Variants in PRKN observed in about 807,000 individuals in gnomAD.
PRKN encodes parkin RBR E3 ubiquitin protein ligase.
In PRKN, 56 loss-of-function variants were observed where a neutral mutation model predicts 59.5. The ratio of observed to expected loss-of-function variants is 0.94; its 90% confidence interval spans 0.76 to 1.18. The LOEUF is 1.18. PRKN is among the 50% of genes most tolerant of loss of function. PRKN has a pLI of 0.00. For synonymous variants in PRKN, 250 were observed against 222.1 expected, an observed-to-expected ratio of 1.13 and a Z score of -1.12; for missense variants, 657 against 596.4, an observed-to-expected ratio of 1.10 and a Z score of -1.06.
intron 2 of PRKN, among the ~76,000 whole-genome samples, chr6:162,320,196 T>G (rs1782932542): frequency 6.6e-6 from 1 of 151,802 alleles, no homozygotes; most frequent in Non-Finnish European, 1.5e-5. Flanking sequence ...CCAGTTTCTT[T>G]ATCCAATCAT....
At chr6:161,674,289 C>T (rs1203117088) in intron 7 of PRKN, among the ~76,000 whole-genome samples, 1 of 151,784 alleles carries the variant, frequency 6.6e-6, no homozygotes, top group Admixed American at 6.6e-5. Context: ...GATGGCTTTG[C>T]TGTATAATTG....
At chr6:162,193,787 T>A (rs73594271) in intron 4 of PRKN, among the ~76,000 whole-genome samples, 1 of 152,124 alleles carries the variant, frequency 6.6e-6, no homozygotes, top group East Asian at 1.9e-4. Flanking sequence ...CACAGTGTGG[T>A]CTTTGGTGTC....
intron 7 of PRKN, among the ~76,000 whole-genome samples, chr6:161,709,232 G>A (rs1302850789): frequency 6.6e-6 from 1 of 152,120 alleles, no homozygotes; most frequent in South Asian, 2.1e-4. Context: ...ATGTATATAT[G>A]CTGCTTTCTG....
intron 1 of PRKN, among the ~76,000 whole-genome samples, chr6:162,665,729 C>A (rs1369218946): frequency 6.6e-6 from 1 of 152,128 alleles, no homozygotes; most frequent in Non-Finnish European, 1.5e-5. Context: ...CCTAGACAAT[C>A]CTAAGCAAAA....
chr6:162,687,010 AT>A (rs1014274531), intron 1 of PRKN, among the ~76,000 whole-genome samples: 1 of 151,288 alleles, frequency 6.6e-6, no homozygotes, highest in Non-Finnish European at 1.5e-5. Flanking sequence ...TTGCTTTTTT[AT>A]TTTTTATTTT....
Position 161,973,311 on chromosome 6 carries a change from G to A in PRKN, c.725C>T (p.Thr242Ile), listed in dbSNP as rs746368282. 3.1e-6 allele frequency: 5 copies of A among 1,607,388 alleles called. No individual in the cohort carries two copies. Among genetic ancestry groups the A allele is most frequent in the Non-Finnish European group, 4.3e-6 (5 of 1,173,972 alleles). The change falls in exon 6 of 12, where the codon ACA becomes ATA. Residue 242 changes from threonine (T) to isoleucine (I), a missense_variant. Thr to Ile is a moderately conservative substitution (Grantham distance 89). Coordinates refer to ENST00000366898, the MANE Select transcript of PRKN (RefSeq NM_004562.3). Reference sequence around the variant, plus strand: ...ATTTTTAGATCCTTACCTGACGTCTGTGCACGTAATGCAAGTGATGTTCCG... The same window carrying A: ...ATTTTTAGATCCTTACCTGACGTCTATGCACGTAATGCAAGTGATGTTCCG... ...NSRNITCITCTDVRSPVLVFQ... is the reference protein window; with the variant it reads ...NSRNITCITCIDVRSPVLVFQ...
chr6:161,834,862 C>T (rs112189932), intron 6 of PRKN, among the ~76,000 whole-genome samples: 1,605 of 152,272 alleles, frequency 0.011, 30 homozygotes, highest in African/African-American at 0.037. Context: ...CCATTGCCTG[C>T]CTGGGATTTA....
At chr6:161,595,833 T>A (rs184118659) in intron 7 of PRKN, among the ~76,000 whole-genome samples, 1 of 152,322 alleles carries the variant, frequency 6.6e-6, no homozygotes, top group Admixed American at 6.5e-5. Context: ...GGTGGTGCTA[T>A]AATTTACGGC....
chr6:161,450,279 A>G (rs1288886621), intron 9 of PRKN, among the ~76,000 whole-genome samples: 2 of 152,198 alleles, frequency 1.3e-5, no homozygotes, highest in African/African-American at 4.8e-5. Context: ...CCCCTGCTGC[A>G]GCATTCTTGA....
At chr6:162,530,103 C>T (rs1778449500) in intron 1 of PRKN, among the ~76,000 whole-genome samples, 1 of 150,752 alleles carries the variant, frequency 6.6e-6, no homozygotes, top group African/African-American at 2.4e-5. Context: ...GCACTCCAGC[C>T]TGGGCAACAA....
intron 1 of PRKN, among the ~76,000 whole-genome samples, chr6:162,641,704 C>T (rs533468160): frequency 6.6e-6 from 1 of 152,300 alleles, no homozygotes; most frequent in South Asian, 2.1e-4. Flanking sequence ...TTTGTCACTC[C>T]ATCCGCCCTC....
chr6:161,753,961 G>A (rs1788803743), intron 7 of PRKN, among the ~76,000 whole-genome samples: 1 of 152,160 alleles, frequency 6.6e-6, no homozygotes, highest in Non-Finnish European at 1.5e-5. Context: ...TAGGAGCACG[G>A]GAAATCCAGC....
chr6:161,810,956 A>T (rs1023375893), intron 6 of PRKN, among the ~76,000 whole-genome samples: 3 of 152,114 alleles, frequency 2.0e-5, no homozygotes, highest in Non-Finnish European at 2.9e-5. Context: ...GGTTCGTCTG[A>T]TGGGGAAGAG....
chr6:162,550,986 A>T (rs75748159), intron 1 of PRKN, among the ~76,000 whole-genome samples: 1 of 152,302 alleles, frequency 6.6e-6, no homozygotes, highest in East Asian at 1.9e-4. Flanking sequence ...ATTGAAACAG[A>T]GAATGTATGT....
chr6:161,683,496 T>C (rs147082723), intron 7 of PRKN, among the ~76,000 whole-genome samples: 136 of 152,292 alleles, frequency 8.9e-4, no homozygotes, highest in African/African-American at 3.2e-3. Context: ...TGCCTCTTTC[T>C]CTCAATCCCT....
At chr6:161,974,100 C>G (rs1230402017) in intron 5 of PRKN, among the ~76,000 whole-genome samples, 1 of 152,210 alleles carries the variant, frequency 6.6e-6, no homozygotes, top group East Asian at 1.9e-4. Flanking sequence ...AACCCCATCT[C>G]TACTAAAAAT....
At chr6:161,618,352 A>T (rs1782769873) in intron 7 of PRKN, among the ~76,000 whole-genome samples, 1 of 152,166 alleles carries the variant, frequency 6.6e-6, no homozygotes, top group Non-Finnish European at 1.5e-5. Context: ...GCACAAGGGA[A>T]GTACTTTGTG....
chr6:162,063,664 C>T (rs1188212605), intron 4 of PRKN, among the ~76,000 whole-genome samples: 1 of 151,876 alleles, frequency 6.6e-6, no homozygotes, highest in Non-Finnish European at 1.5e-5. Context: ...CCTGCTTCAG[C>T]CTTCCAAGTA....
intron 6 of PRKN, among the ~76,000 whole-genome samples, chr6:161,940,558 C>T (rs964948920): frequency 6.6e-6 from 1 of 152,120 alleles, no homozygotes; most frequent in Non-Finnish European, 1.5e-5. Context: ...GTTTTAGAAC[C>T]AGAGGACATA....
Sources: gnomAD v4.1 joint callset for allele counts (sites outside exome capture counted in the v4.1 genomes callset) on GRCh38, gnomAD v4.1.1 for gene constraint, MANE v1.5 for transcripts, NCBI Gene and HGNC (gene_info 2026-07-23, HGNC 2026-07-21) for gene names.